ADK: variants seen among roughly 807,000 people sequenced by gnomAD.
ADK encodes the protein adenosine kinase.
Under a neutral mutation model 44.7 loss-of-function variants are expected in ADK, and 24 were observed. The observed-to-expected ratio is 0.54, with a 90% CI of 0.39 to 0.76. The LOEUF is 0.76. Ranked by LOEUF, ADK falls within the 30% of genes least tolerant of loss-of-function variation. The pLI, the probability that ADK is intolerant of heterozygous loss-of-function variation, is 0.00. For missense variants in ADK, 321 were observed against 425.1 expected, an observed-to-expected ratio of 0.76 and a Z score of 2.15; for synonymous variants, 128 against 142.6, an observed-to-expected ratio of 0.90 and a Z score of 0.73.
At chr10:74,621,570 C>T (rs80196778) in intron 9 of ADK, among the ~76,000 whole-genome samples, 2,618 of 152,178 alleles carry the variant, frequency 0.017, 65 homozygotes, top group African/African-American at 0.06. Flanking sequence ...TCTGATTCCA[C>T]AGAAATTTTA....
chr10:74,497,390 A>G (rs1333969413), intron 6 of ADK, among the ~76,000 whole-genome samples: 1 of 152,154 alleles, frequency 6.6e-6, no homozygotes, highest in Non-Finnish European at 1.5e-5. Context: ...TTGGAGAGAA[A>G]CAGGGCTTAG....
chr10:74,455,396 C>T (rs1465571344), intron 6 of ADK, among the ~76,000 whole-genome samples: 1 of 152,028 alleles, frequency 6.6e-6, no homozygotes, highest in Non-Finnish European at 1.5e-5. Context: ...CTTGGGAGGC[C>T]AAGGCAGGAG....
intron 7 of ADK, among the ~76,000 whole-genome samples, chr10:74,566,311 A>G (rs1191017418): frequency 6.7e-6 from 1 of 150,048 alleles, no homozygotes; most frequent in Non-Finnish European, 1.5e-5. Context: ...GGCTCAAGTA[A>G]TCCTCCCACC....
chr10:74,276,069 T>G (rs769753543), intron 3 of ADK, among the ~76,000 whole-genome samples: 1 of 152,222 alleles, frequency 6.6e-6, no homozygotes, highest in Non-Finnish European at 1.5e-5. Context: ...TTCCACCTTA[T>G]TTTAATGCTA....
chr10:74,469,734 T>C (rs574153613), intron 6 of ADK, among the ~76,000 whole-genome samples: 4 of 152,360 alleles, frequency 2.6e-5, no homozygotes, highest in Non-Finnish European at 4.4e-5. Flanking sequence ...ATAGATTTCT[T>C]GTACAAACAC....
chr10:74,254,633 ACTTTT>A (rs1236963905), intron 3 of ADK, among the ~76,000 whole-genome samples: 1 of 152,090 alleles, frequency 6.6e-6, no homozygotes, highest in Admixed American at 6.5e-5. Context: ...AGCCCTTGTT[ACTTTT>A]CTTATCTAAT....
chr10:74,428,023 A>G (rs1378512817), intron 6 of ADK, among the ~76,000 whole-genome samples: 3 of 152,182 alleles, frequency 2.0e-5, no homozygotes, highest in Admixed American at 1.3e-4. Flanking sequence ...GTGGTTGTGC[A>G]TAATCCTTGG....
chr10:74,661,896 G>C (rs1185368458), intron 9 of ADK, among the ~76,000 whole-genome samples: 1 of 152,166 alleles, frequency 6.6e-6, no homozygotes, highest in African/African-American at 2.4e-5. Context: ...TCCTTGAGAA[G>C]ATAGATCATG....
chr10:74,371,906 TA>T, intron 4 of ADK: 1 of 1,466,418 alleles, frequency 6.8e-7, no homozygotes, highest in Non-Finnish European at 9.4e-7. Context: ...TTCTTGTGGT[TA>T]CTGACCCCAG....
chr10:74,264,147 A>G (rs1846137179), intron 3 of ADK, among the ~76,000 whole-genome samples: 1 of 152,250 alleles, frequency 6.6e-6, no homozygotes, highest in Admixed American at 6.5e-5. Flanking sequence ...TTCCATTATC[A>G]TAAAAAGTTT....
At chr10:74,206,029 A>G (rs967683991) in intron 2 of ADK, among the ~76,000 whole-genome samples, 11 of 152,206 alleles carry the variant, frequency 7.2e-5, no homozygotes, top group Non-Finnish European at 1.0e-4. Flanking sequence ...ACATGAATTC[A>G]TGGGTTTAAA....
chr10:74,254,478 TTCC>T lies in ADK; in HGVS notation c.194+29890_194+29892del, dbSNP rs61119453. ...ATCTAGATATGCCTCTTTTTTTTAT[TTCC>T]TCATTTTTTCTTCTAAAAAGAAAAT... On this transcript the variant is annotated intron_variant, in intron 3 of 10. Coordinates refer to ENST00000539909, the MANE Select transcript of ADK (RefSeq NM_006721.4). Among the ~76,000 whole-genome samples, 413 of 152,198 alleles carry T rather than the reference TTCC, an allele frequency of 2.7e-3. 1 individual carries two copies. Among genetic ancestry groups the T allele is most frequent in the African/African-American group, 9.5e-3 (393 of 41,544 alleles).
At chr10:74,609,547 C>T (rs1852464943) in intron 9 of ADK, among the ~76,000 whole-genome samples, 1 of 152,154 alleles carries the variant, frequency 6.6e-6, no homozygotes. Flanking sequence ...CCTGCTTCCG[C>T]TCGCCCTTTG....
At chr10:74,318,891 T>G (rs1208477237) in intron 4 of ADK, among the ~76,000 whole-genome samples, 1 of 152,224 alleles carries the variant, frequency 6.6e-6, no homozygotes, top group Non-Finnish European at 1.5e-5. Flanking sequence ...TATGTTTACA[T>G]GCTTTTGTTG....
In ADK at chr10:74,151,398, C is replaced by T; in HGVS notation, c.65+55C>T. ...TGACGGCGCTGCAAGCAAGCCAGGG[C>T]CCACGTGGGGTTGCACGGCCCCGAC... On this transcript the variant is annotated intron_variant, in intron 1 of 10. Coordinates refer to ENST00000539909, the MANE Select transcript of ADK (RefSeq NM_006721.4). 2.0e-6 allele frequency: 3 copies of T among 1,533,368 alleles called. No individual in the cohort carries two copies. In the South Asian group the frequency reaches 3.6e-5, roughly 18 times the overall value. The allele number at this position is 1,533,368 out of a possible 1,614,324, so 95.0% of individuals were successfully genotyped here.
chr10:74,196,307 C>G (rs1330792060), intron 1 of ADK, among the ~76,000 whole-genome samples: 1 of 151,758 alleles, frequency 6.6e-6, no homozygotes, highest in East Asian at 2.0e-4. Context: ...TTTGGGAGGC[C>G]AAGGAGGGCA....
intron 9 of ADK, among the ~76,000 whole-genome samples, chr10:74,638,305 T>A (rs1261639650): frequency 6.6e-6 from 1 of 152,224 alleles, no homozygotes; most frequent in East Asian, 1.9e-4. Context: ...TGATTTTTTT[T>A]ATTGCGAGAG....
intron 3 of ADK, among the ~76,000 whole-genome samples, chr10:74,293,328 A>G (rs1839696265): frequency 6.6e-6 from 1 of 152,174 alleles, no homozygotes; most frequent in African/African-American, 2.4e-5. Context: ...ATTACAAATT[A>G]TGTTAACAGC....
chr10:74,561,743 A>G (rs1850469478), intron 7 of ADK, among the ~76,000 whole-genome samples: 2 of 152,220 alleles, frequency 1.3e-5, no homozygotes, highest in African/African-American at 2.4e-5. Flanking sequence ...AAGGAATTGG[A>G]TGATGGAAGT....
Sources: gnomAD v4.1 joint callset for allele counts (sites outside exome capture counted in the v4.1 genomes callset) on GRCh38, gnomAD v4.1.1 for gene constraint, MANE v1.5 for transcripts, NCBI Gene and HGNC (gene_info 2026-07-23, HGNC 2026-07-21) for gene names.